The following TRPM6 variants were observed in gnomAD, a reference collection of about 807,000 sequenced individuals.
The protein encoded by TRPM6 is transient receptor potential cation channel subfamily M member 6.
Under a neutral mutation model 247.6 loss-of-function variants are expected in TRPM6, and 111 were observed. The observed-to-expected ratio is 0.45, with a 90% CI of 0.38 to 0.52. TRPM6 has a LOEUF of 0.52. Among genes scored for constraint, TRPM6 ranks in the 20% least tolerant of loss-of-function variants. The pLI is 0.00. For missense variants in TRPM6, 2,126 were observed against 2,421.5 expected, an observed-to-expected ratio of 0.88 and a Z score of 2.56; for synonymous variants, 892 against 853.8, an observed-to-expected ratio of 1.04 and a Z score of -0.78.
At chr9:74,851,763 A>AAAT (rs1554727695) in intron 3 of TRPM6, among the ~76,000 whole-genome samples, 7 of 138,526 alleles carry the variant, frequency 5.1e-5, no homozygotes, top group African/African-American at 1.8e-4. Context: ...AAAAAAAAAA[A>AAAT]ATATATATAT....
chr9:74,850,536 A>G (rs1830268085), intron 3 of TRPM6, among the ~76,000 whole-genome samples: 1 of 152,210 alleles, frequency 6.6e-6, no homozygotes, highest in South Asian at 2.1e-4. Flanking sequence ...CCTGGCCAAC[A>G]TGGTGAAACC....
At position 74,782,797 on chromosome 9, in the gene TRPM6, T is replaced by G. The variant is rs754667049; in HGVS notation, c.2976A>C (p.Gly992=). The change falls in exon 22 of 39, where the codon GGA becomes GGC. Residue 992 remains glycine, a synonymous_variant. Transcript: ENST00000360774. ...GCGAAAGGATGGCCTTGCGTGCCAC[T>G]CCAAAGCTCAGCAGGACTATGGCCA... ...IIMAIVLLSF[G]VARKAILSPK... is the part of the protein sequence containing the mutation. 3 of 1,614,118 alleles carry G rather than the reference T, an allele frequency of 1.9e-6. No individual in the cohort carries two copies. The highest frequency in any genetic ancestry group is 2.2e-5 in the East Asian group (1 of 44,882).
intron 28 of TRPM6, among the ~76,000 whole-genome samples, chr9:74,752,647 TC>T (rs1563997625): frequency 2.0e-5 from 3 of 152,202 alleles, no homozygotes. Context: ...CCATAAACTG[TC>T]CTCTTATAGG....
chr9:74,747,747 T>C, intron 31 of TRPM6, 142 bp downstream of exon 31: 3 of 688,824 alleles, frequency 4.4e-6, no homozygotes, highest in Non-Finnish European at 7.3e-6. Context: ...CTTTCTACTC[T>C]TCTACTGAAC....
intron 1 of TRPM6, among the ~76,000 whole-genome samples, chr9:74,865,914 G>C (rs1186655356): frequency 6.6e-6 from 1 of 152,162 alleles, no homozygotes; most frequent in Non-Finnish European, 1.5e-5. Flanking sequence ...TGGGACTACA[G>C]ATATGTACCA....
chr9:74,761,923 T>A lies in TRPM6; in HGVS notation c.4672+76A>T, dbSNP rs1040031438. The A allele has an allele frequency of 5.1e-6, 8 of 1,554,756 alleles. No individual in the cohort carries two copies. The Admixed American group carries it at 8.5e-5, about 17-fold the overall frequency. ...GACAATGTGGTTAAGAGTCACAGAT[T>A]TAAAAAACAAAACAAAACAAAACCA... On this transcript the variant is annotated intron_variant, in intron 26 of 38. Transcript: ENST00000360774.
chr9:74,833,008 G>A (rs183140188), intron 6 of TRPM6, among the ~76,000 whole-genome samples: 1 of 151,062 alleles, frequency 6.6e-6, no homozygotes, highest in Admixed American at 6.6e-5. Context: ...CCAAGACTGC[G>A]CCACTACACA....
chr9:74,788,692 C>T lies in TRPM6; in HGVS notation c.2589G>A (p.Glu863=). 2 of 1,614,100 alleles carry T rather than the reference C, an allele frequency of 1.2e-6. No individual in the cohort carries two copies. The highest frequency in any genetic ancestry group is 1.1e-5 in the South Asian group (1 of 91,080). Residue 863 remains glutamate (E), a synonymous_variant, in exon 20 of 39, where the codon GAG becomes GAA. Coordinates refer to ENST00000360774, the MANE Select transcript of TRPM6 (RefSeq NM_017662.5). ...CCTGCACGCTGGGCTGGGGCTGCAT[C>T]TCCACCAACACGGTGTAAGTGAACA... ...LMLFTYTVLV[E]MQPQPSVQEW...
intron 30 of TRPM6, 117 bp from the exon 31 acceptor site, chr9:74,748,031 G>T: frequency 7.4e-6 from 7 of 939,894 alleles, no homozygotes; most frequent in Non-Finnish European, 1.2e-5. Context: ...TTATATACAT[G>T]TGAAATACAT....
chr9:74,846,755 C>CAG (rs1830122486), intron 3 of TRPM6, among the ~76,000 whole-genome samples: 2 of 152,110 alleles, frequency 1.3e-5, no homozygotes, highest in Non-Finnish European at 2.9e-5. Flanking sequence ...CACCATGTTG[C>CAG]CCAGGCTGGC....
intron 2 of TRPM6, chr9:74,857,672 T>C (rs1158795817): frequency 6.6e-6 from 1 of 152,204 alleles, no homozygotes; most frequent in East Asian, 1.9e-4. Context: ...CAAAAGCCTA[T>C]GGGCGCTCAC....
chr9:74,746,818 T>G (rs549304913), intron 31 of TRPM6, among the ~76,000 whole-genome samples: 55 of 146,616 alleles, frequency 3.8e-4, no homozygotes, highest in Non-Finnish European at 7.2e-4. Flanking sequence ...AACAGATCAC[T>G]CTGAAGATGA....
intron 30 of TRPM6, 114 bp from the exon 31 acceptor site, chr9:74,748,028 C>CT: frequency 4.1e-6 from 4 of 974,728 alleles, no homozygotes; most frequent in Non-Finnish European, 6.4e-6. Context: ...ATTTTATATA[C>CT]ATGTGAAATA....
intron 21 of TRPM6, among the ~76,000 whole-genome samples, chr9:74,783,080 G>A (rs1295158920): frequency 3.3e-5 from 5 of 152,160 alleles, no homozygotes; most frequent in African/African-American, 7.2e-5. Context: ...TAAATGTGCT[G>A]AGAGGAGAGA....
At chr9:74,738,256 A>T in intron 36 of TRPM6, 151 bp downstream of exon 36, 1 of 781,504 alleles carries the variant, frequency 1.3e-6, no homozygotes, top group Non-Finnish European at 2.2e-6. Context: ...AGATTCCATG[A>T]TTATCACTGT....
In TRPM6 at chr9:74,820,314, T is replaced by C; in HGVS notation, c.1124A>G (p.His375Arg). ...ACTCGTCATACTCACACAATCCCTG[T>C]GAACCATACACTCCATTAGAATTTG... is the stretch of plus-strand genomic sequence containing the variant. ...LFQILMECMV[H>R]RDCITIFDAD... is the part of the protein sequence containing the mutation. Residue 375 changes from histidine (H) to arginine (R), a missense_variant, in exon 9 of 39, where the codon CAC becomes CGC. Physicochemically the swap from His to Arg is conservative, Grantham distance 29 (BLOSUM62 0). Transcript: ENST00000360774. The C allele has an allele frequency of 6.2e-7, 1 of 1,614,154 alleles. No homozygotes were observed. The highest frequency in any genetic ancestry group is 8.5e-7 in the Non-Finnish European group (1 of 1,179,996).
At chr9:74,812,601 C>G (rs1452169448) in intron 11 of TRPM6, among the ~76,000 whole-genome samples, 168 bp from the exon 12 acceptor site, 1 of 151,426 alleles carries the variant, frequency 6.6e-6, no homozygotes, top group Non-Finnish European at 1.5e-5. Context: ...TAAATACAGT[C>G]TTACTAGGCC....
intron 19 of TRPM6, among the ~76,000 whole-genome samples, chr9:74,791,739 A>C (rs1040197725): frequency 1.3e-5 from 2 of 152,146 alleles, no homozygotes; most frequent in Non-Finnish European, 2.9e-5. Flanking sequence ...TCCTACAAAC[A>C]AAAAGCTGAT....
At chr9:74,819,238 G>A (rs1006424960) in intron 9 of TRPM6, among the ~76,000 whole-genome samples, 4 of 152,184 alleles carry the variant, frequency 2.6e-5, no homozygotes, top group Admixed American at 2.6e-4. Flanking sequence ...GAGCCTAGGA[G>A]GTGGAGGTTG....
Sources: allele counts gnomAD v4.1 joint callset (sites outside exome capture counted in the v4.1 genomes callset), GRCh38; gene constraint gnomAD v4.1.1; transcripts MANE v1.5; gene names NCBI Gene and HGNC (gene_info 2026-07-23, HGNC 2026-07-21).